Variants in ZNF326 observed in about 807,000 individuals in gnomAD.
ZNF326 encodes zinc finger protein 326.
A neutral mutation model predicts 63.1 loss-of-function variants in ZNF326; 30 were observed. The observed-to-expected ratio is 0.48, with a 90% CI of 0.36 to 0.64. ZNF326 has a LOEUF of 0.64. ZNF326 is among the 30% of genes least tolerant of loss of function. The pLI is 0.00. For synonymous variants in ZNF326, 194 were observed against 228.2 expected (o/e 0.85, Z 1.35); for missense variants, 609 against 720.3 (o/e 0.85, Z 1.77).
At position 90,007,586 on chromosome 1, in the gene ZNF326, A is replaced by C; in HGVS notation, c.451A>C (p.Arg151=). 6.2e-7 allele frequency: 1 copy of C among 1,611,796 alleles called. No homozygotes were observed. The highest frequency in any genetic ancestry group is 2.2e-5 in the East Asian group (1 of 44,812). The change falls in exon 5 of 12, where the codon AGA becomes CGA. Residue 151 remains arginine (R), a synonymous_variant. Transcript: ENST00000340281. This position sits in a 1 kb window ranked among gnomAD's most constrained non-coding sequence, Gnocchi z 4.9. ...LRPGFMEDRG[R]ENYSSYSSFS... ...GCCTGGGTTTATGGAGGACAGAGGA[A>C]GAGAGAATTACTCTTCCTACAGCAG...
At chr1:90,004,187 GT>G (rs1013299456) in intron 2 of ZNF326, among the ~76,000 whole-genome samples, 108 of 143,860 alleles carry the variant, frequency 7.5e-4, no homozygotes, top group East Asian at 3.2e-3. Context: ...TATTGTATTA[GT>G]TTTTTTTTTT....
intron 11 of ZNF326, among the ~76,000 whole-genome samples, chr1:90,025,211 G>C (rs1402290043): frequency 2.0e-5 from 3 of 152,084 alleles, no homozygotes; most frequent in Admixed American, 6.6e-5. Flanking sequence ...TCACCCGTGA[G>C]GCTAAGATAA....
Position 89,998,127 on chromosome 1 carries a change from T to C in ZNF326, c.34T>C (p.Cys12Arg). ...DFEDDYTHSACRNTYQGFNGM... is the reference protein window; with the variant it reads ...DFEDDYTHSARRNTYQGFNGM... ...CTTCATAGATTACACACACTCCGCC[T>C]GCAGGAATACTTATCAGGGCTTTAA... Residue 12 changes from cysteine to arginine, a missense_variant, in exon 2 of 12, where the codon TGC (cysteine) becomes CGC (arginine). By Grantham distance (180) the Cys-to-Arg change is radical. Around this residue, in one of 3 missense-constraint regions of ZNF326, gnomAD observed 97 missense variants for 88.7 expected, o/e 1.09. Coordinates refer to ENST00000340281, the MANE Select transcript of ZNF326 (RefSeq NM_182976.4). 1 of 1,613,322 alleles carries C rather than the reference T, an allele frequency of 6.2e-7. No individual in the cohort carries two copies. Among genetic ancestry groups the C allele is most frequent in the Non-Finnish European group, 8.5e-7 (1 of 1,179,854 alleles).
At position 90,007,095 on chromosome 1, in the gene ZNF326, A is replaced by C. The variant is rs1649023479; in HGVS notation, c.210-250A>C. Among the ~76,000 whole-genome samples, 1 of 152,202 alleles carries C rather than the reference A, an allele frequency of 6.6e-6. No individual in the cohort carries two copies. The highest frequency in any genetic ancestry group is 2.4e-5 in the African/African-American group (1 of 41,450). On this transcript the variant is annotated intron_variant, in intron 4 of 11. Transcript: ENST00000340281. The surrounding 1 kb of genome is among the most constrained non-coding windows in gnomAD (Gnocchi z 4.9). Reference sequence around the variant, plus strand: ...TTCTTCATAAAATAGAAAAGCTGCTAAGAAGCAGATTTTAAAGCTAAGTTT... The same window carrying C: ...TTCTTCATAAAATAGAAAAGCTGCTCAGAAGCAGATTTTAAAGCTAAGTTT...
At chr1:89,997,515 A>C (rs1352311010) in intron 1 of ZNF326, among the ~76,000 whole-genome samples, 1 of 152,020 alleles carries the variant, frequency 6.6e-6, no homozygotes, top group Non-Finnish European at 1.5e-5. Flanking sequence ...CTGGGACTAC[A>C]GGCACGCACC....
rs1650257926 is a variant in ZNF326, at chr1:90,031,222, T to TA, written c.*3522dup. The TA allele has an allele frequency of 6.6e-6, 1 of 152,236 alleles. No homozygotes were observed. The highest frequency in any genetic ancestry group is 2.1e-4 in the South Asian group (1 of 4,834). 9.4% of individuals were successfully genotyped at this position (152,236 alleles called of 1,614,324 possible). A position where few individuals can be genotyped will look rare whatever the true frequency, so the allele number is the denominator to read the frequency against. ...GACTTTTCCCCCCTCATTTAATACT[T>TA]ACAACTATATTGGTAAGTTAGTAGG... On this transcript the variant is annotated 3_prime_UTR_variant, in exon 12 of 12. Transcript: ENST00000340281.
Position 90,022,364 on chromosome 1 carries a change from A to T in ZNF326, c.1401+19A>T. The T allele has an allele frequency of 6.4e-7, 1 of 1,558,542 alleles. No individual in the cohort carries two copies. Among genetic ancestry groups the T allele is most frequent in the Non-Finnish European group, 8.8e-7 (1 of 1,133,148 alleles). ...TGTTAAGGTAAGATTTTAGGGCAAAAACCTTTTCAATAATATTGTAGTATT... is the reference window on the plus strand; with the variant it reads ...TGTTAAGGTAAGATTTTAGGGCAAATACCTTTTCAATAATATTGTAGTATT... On this transcript the variant is annotated intron_variant, in intron 11 of 11. Transcript: ENST00000340281.
intron 11 of ZNF326, among the ~76,000 whole-genome samples, chr1:90,025,780 AG>A (rs1228085705): frequency 8.5e-5 from 13 of 152,236 alleles, no homozygotes; most frequent in African/African-American, 3.1e-4. Context: ...ATAAGGGGAT[AG>A]TACAATAAAT....
chr1:90,017,569 A>G, intron 8 of ZNF326, 105 bp downstream of exon 8: 1 of 1,047,192 alleles, frequency 9.5e-7, no homozygotes, highest in Non-Finnish European at 1.3e-6. Context: ...TAAAATTTTA[A>G]TTTACTATTT....
At chr1:90,013,031 G>T in intron 6 of ZNF326, 95 bp from the exon 7 acceptor site, 1 of 993,286 alleles carries the variant, frequency 1.0e-6, no homozygotes, top group East Asian at 2.9e-5. Flanking sequence ...CAATCACTAA[G>T]TATACCTCAT....
chr1:90,013,135 A>G lies in ZNF326; in HGVS notation c.824A>G (p.Asp275Gly), dbSNP rs199600438. ...ISLSKSPTKT[D>G]PKNEEEEKRR... The stretch of plus-strand genomic sequence containing the variant: ...TTGTGTAATATCCTAGCAAAAACTG[A>G]TCCTAAAAATGAAGAGGAAGAAAAG... Residue 275 changes from aspartate to glycine, a missense_variant, in exon 7 of 12, where the codon GAT becomes GGT. Asp to Gly is a moderately conservative substitution (Grantham distance 94). This residue lies in a region of ZNF326 where 399 missense variants were observed against 444.3 expected (regional missense o/e 0.90). Coordinates refer to ENST00000340281, the MANE Select transcript of ZNF326 (RefSeq NM_182976.4). 6.2e-7 allele frequency: 1 copy of G among 1,610,466 alleles called. No individual in the cohort carries two copies. Among genetic ancestry groups the G allele is most frequent in the Non-Finnish European group, 8.5e-7 (1 of 1,178,936 alleles).
chr1:90,016,730 AAAAAG>A (rs965954805), intron 7 of ZNF326, among the ~76,000 whole-genome samples: 14 of 151,884 alleles, frequency 9.2e-5, no homozygotes, highest in African/African-American at 3.1e-4. Flanking sequence ...AAAAAAAAAG[AAAAAG>A]AAAAAGAAAA....
At chr1:89,995,318 G>C (rs1198881334) in intron 1 of ZNF326, 45 bp downstream of exon 1, 34 of 1,531,346 alleles carry the variant, frequency 2.2e-5, no homozygotes, top group Non-Finnish European at 2.8e-5. Flanking sequence ...CAGGAGGCGG[G>C]GTGGCCTACG....
intron 10 of ZNF326, 150 bp from the exon 11 acceptor site, chr1:90,022,100 T>C (rs1432508374): frequency 3.5e-6 from 2 of 576,820 alleles, no homozygotes; most frequent in Non-Finnish European, 6.1e-6. Flanking sequence ...AGATTTAGAC[T>C]GTGGTTATAG....
At chr1:90,018,647 T>C (rs1001161423) in intron 8 of ZNF326, 38 bp from the exon 9 acceptor site, 6 of 1,279,524 alleles carry the variant, frequency 4.7e-6, no homozygotes, top group African/African-American at 3.0e-5. Context: ...TGAGTGCTCA[T>C]TGAAAGCTAT....
chr1:90,016,703 C>T (rs1156264190), intron 7 of ZNF326, among the ~76,000 whole-genome samples: 4 of 147,092 alleles, frequency 2.7e-5, no homozygotes, highest in Admixed American at 1.4e-4. Flanking sequence ...GGCAGCAGAG[C>T]GAGGCTCCAT....
At chr1:90,017,571 T>G in intron 8 of ZNF326, 107 bp downstream of exon 8, 1 of 1,047,374 alleles carries the variant, frequency 9.5e-7, no homozygotes, top group Non-Finnish European at 1.3e-6. Context: ...AAATTTTAAT[T>G]TACTATTTAA....
At position 90,012,210 on chromosome 1, in the gene ZNF326, C is replaced by G. The variant is rs147086164; in HGVS notation, c.815-916C>G. Among the ~76,000 whole-genome samples, 205 of 152,272 alleles carry G rather than the reference C, an allele frequency of 1.3e-3. 1 individual carries two copies. Among genetic ancestry groups the G allele is most frequent in the African/African-American group, 4.6e-3 (190 of 41,548 alleles). On this transcript the variant is annotated intron_variant, in intron 6 of 11. Transcript: ENST00000340281. ...AAAAGGTAGAAACAATTGAAATATA[C>G]ATCAACAGAAGAATGGTTTAAAAAA...
chr1:90,027,847 T>A lies in ZNF326; in HGVS notation c.*146T>A, dbSNP rs1479112173. The stretch of plus-strand genomic sequence containing the variant: ...ATTTGTTTTATATAATTTCTAAATG[T>A]TTAACATTTGTTTAATAAAATGAAG... On this transcript the variant is annotated 3_prime_UTR_variant, in exon 12 of 12. Coordinates refer to ENST00000340281, the MANE Select transcript of ZNF326 (RefSeq NM_182976.4). 1.4e-6 allele frequency: 1 copy of A among 736,718 alleles called. No individual in the cohort carries two copies. 45.6% of individuals were successfully genotyped at this position (736,718 alleles called of 1,614,324 possible). A position where few individuals can be genotyped will look rare whatever the true frequency, so the allele number is the denominator to read the frequency against.
Sources: allele counts gnomAD v4.1 joint callset (sites outside exome capture counted in the v4.1 genomes callset), GRCh38; gene constraint gnomAD v4.1.1; regional missense constraint gnomAD v4.1.1; non-coding constraint Gnocchi (gnomAD v3.1); transcripts MANE v1.5; gene names NCBI Gene and HGNC (gene_info 2026-07-23, HGNC 2026-07-21).